CRPPA: variants seen among roughly 807,000 people sequenced by gnomAD.
CRPPA encodes CDP-L-ribitol pyrophosphorylase A.
A neutral mutation model predicts 52.0 loss-of-function variants in CRPPA; 43 were observed. The ratio of observed to expected loss-of-function variants is 0.83; its 90% confidence interval spans 0.65 to 1.07. The LOEUF is 1.07. Ranked by LOEUF, CRPPA falls within the 50% of genes least tolerant of loss-of-function variation. The probability of loss-of-function intolerance (pLI) is 0.00; values close to 1 mark genes in which losing one functional copy is unlikely to be tolerated. For synonymous variants in CRPPA, 250 were observed against 203.5 expected (o/e 1.23, Z -1.94); for missense variants, 629 against 551.7 (o/e 1.14, Z -1.40).
chr7:16,338,079 T>C (rs969358324), intron 3 of CRPPA, among the ~76,000 whole-genome samples: 1 of 152,058 alleles, frequency 6.6e-6, no homozygotes, highest in South Asian at 2.1e-4. Context: ...CTAATGAACA[T>C]AGACACAAAA....
chr7:16,262,623 T>C (rs1046502501), intron 6 of CRPPA, among the ~76,000 whole-genome samples: 1 of 152,194 alleles, frequency 6.6e-6, no homozygotes, highest in Non-Finnish European at 1.5e-5. Context: ...AATTAGAGTG[T>C]TAAAACAAAA....
At chr7:16,323,669 T>C (rs992700506) in intron 3 of CRPPA, among the ~76,000 whole-genome samples, 3 of 152,220 alleles carry the variant, frequency 2.0e-5, no homozygotes, top group African/African-American at 7.2e-5. Flanking sequence ...TACATACCTT[T>C]TGTGTAACAA....
At chr7:16,178,045 G>C (rs890102418) in intron 9 of CRPPA, among the ~76,000 whole-genome samples, 1 of 145,498 alleles carries the variant, frequency 6.9e-6, no homozygotes, top group Admixed American at 7.2e-5. Flanking sequence ...TTTCTTGGCT[G>C]TTGTCTAAAA....
intron 3 of CRPPA, among the ~76,000 whole-genome samples, chr7:16,364,703 G>A (rs1031580508): frequency 6.6e-6 from 1 of 152,164 alleles, no homozygotes; most frequent in African/African-American, 2.4e-5. Context: ...TTTAAAGCAT[G>A]AATTCTCTTG....
At chr7:16,114,637 T>C (rs1011735397) in intron 9 of CRPPA, among the ~76,000 whole-genome samples, 5 of 151,064 alleles carry the variant, frequency 3.3e-5, no homozygotes, top group African/African-American at 1.2e-4. Flanking sequence ...AGACTTCTCC[T>C]GGGGAAAACA....
intron 4 of CRPPA, among the ~76,000 whole-genome samples, chr7:16,305,789 G>A (rs1039997882): frequency 2.0e-5 from 3 of 152,192 alleles, no homozygotes; most frequent in Non-Finnish European, 4.4e-5. Flanking sequence ...GACTGAGGCG[G>A]GAGAATTGCT....
rs1452729822 is a variant in CRPPA, at chr7:16,089,143, A to G, written c.*2552T>C. 6 of 259,132 alleles carry G rather than the reference A, an allele frequency of 2.3e-5. No individual in the cohort carries two copies. In the East Asian group the frequency reaches 2.3e-4, roughly 10 times the overall value. 16.1% of individuals were successfully genotyped at this position (259,132 alleles called of 1,614,324 possible). ...GCAGATATATATACATATAAAATAC[A>G]TATACATAAAACATAAAAATACATA... On this transcript the variant is annotated 3_prime_UTR_variant, in exon 10 of 10. Coordinates refer to ENST00000407010, the MANE Select transcript of CRPPA (RefSeq NM_001101426.4).
intron 3 of CRPPA, among the ~76,000 whole-genome samples, chr7:16,339,993 A>G (rs1785781106): frequency 6.6e-6 from 1 of 152,164 alleles, no homozygotes; most frequent in South Asian, 2.1e-4. Flanking sequence ...AACAAAAACA[A>G]TATAATAAAG....
chr7:16,334,613 G>A (rs190483038), intron 3 of CRPPA, among the ~76,000 whole-genome samples: 116 of 152,160 alleles, frequency 7.6e-4, no homozygotes, highest in African/African-American at 2.7e-3. Context: ...AGAAAAAGAC[G>A]ACAATCCACA....
chr7:16,200,518 A>G (rs1049719575), intron 9 of CRPPA, among the ~76,000 whole-genome samples: 1 of 152,196 alleles, frequency 6.6e-6, no homozygotes, highest in African/African-American at 2.4e-5. Context: ...AATTCAAAAC[A>G]TTGGAATGAC....
chr7:16,352,964 T>C (rs1490093139), intron 3 of CRPPA, among the ~76,000 whole-genome samples: 1 of 151,646 alleles, frequency 6.6e-6, no homozygotes, highest in Non-Finnish European at 1.5e-5. Context: ...CAGGAAATTG[T>C]CATTAGCAAG....
chr7:16,278,759 A>T (rs111693595), intron 5 of CRPPA, among the ~76,000 whole-genome samples: 83 of 152,342 alleles, frequency 5.4e-4, no homozygotes, highest in Middle Eastern at 6.8e-3. Flanking sequence ...AAAACAACTG[A>T]AAGAATTTTC....
At chr7:16,110,820 C>G (rs1040903083) in intron 9 of CRPPA, among the ~76,000 whole-genome samples, 1 of 151,958 alleles carries the variant, frequency 6.6e-6, no homozygotes, top group Non-Finnish European at 1.5e-5. Context: ...GACTTAAATA[C>G]AAGACCAAAA....
intron 9 of CRPPA, among the ~76,000 whole-genome samples, chr7:16,186,796 T>C (rs531546546): frequency 1.4e-4 from 19 of 138,158 alleles, no homozygotes; most frequent in South Asian, 2.8e-4. Flanking sequence ...ACAGAGGATA[T>C]AGCAGATATA....
intron 3 of CRPPA, among the ~76,000 whole-genome samples, chr7:16,337,957 C>T (rs1218152915): frequency 6.6e-6 from 1 of 152,034 alleles, no homozygotes; most frequent in Non-Finnish European, 1.5e-5. Context: ...ACTCACTCCG[C>T]CCACCCCAAA....
Position 16,091,713 on chromosome 7 carries a change from A to T in CRPPA, c.1338T>A (p.Gly446=). Reference sequence around the variant, plus strand: ...GTGTTCTTCATGCTATCAGAAGCTGACCAATGAGTCCAGAATTTCTTTCCT... The same window carrying T: ...GTGTTCTTCATGCTATCAGAAGCTGTCCAATGAGTCCAGAATTTCTTTCCT... ...LIKERNSGLI[G]QLLIA Residue 446 remains glycine, a synonymous_variant, in exon 10 of 10, where the codon GGT becomes GGA. Coordinates refer to ENST00000407010, the MANE Select transcript of CRPPA (RefSeq NM_001101426.4). 7.7e-6 allele frequency: 12 copies of T among 1,555,620 alleles called. No individual in the cohort carries two copies. Among genetic ancestry groups the T allele is most frequent in the Non-Finnish European group, 1.0e-5 (12 of 1,147,318 alleles).
chr7:16,130,103 CT>C (rs1375160773), intron 9 of CRPPA, among the ~76,000 whole-genome samples: 2 of 152,154 alleles, frequency 1.3e-5, no homozygotes, highest in Non-Finnish European at 2.9e-5. Context: ...CCTGACCAAA[CT>C]CTTGATAGGA....
chr7:16,270,823 T>C (rs1029940218), intron 6 of CRPPA, among the ~76,000 whole-genome samples: 3 of 152,156 alleles, frequency 2.0e-5, no homozygotes, highest in African/African-American at 7.2e-5. Context: ...ATAACTGTTT[T>C]GGATAGGTCT....
At chr7:16,293,165 T>C (rs1246304554) in intron 5 of CRPPA, among the ~76,000 whole-genome samples, 1 of 151,820 alleles carries the variant, frequency 6.6e-6, no homozygotes, top group Admixed American at 6.6e-5. Flanking sequence ...CTCAAGCAGG[T>C]GGGCAAAATA....
Sources: allele counts gnomAD v4.1 joint callset (sites outside exome capture counted in the v4.1 genomes callset), GRCh38; gene constraint gnomAD v4.1.1; transcripts MANE v1.5; gene names NCBI Gene and HGNC (gene_info 2026-07-23, HGNC 2026-07-21).